Variants in TRIM29 observed in about 807,000 individuals in gnomAD.
TRIM29 encodes the protein tripartite motif-containing protein 29.
TRIM29 carries 52 observed loss-of-function variants against 57.3 expected under a neutral mutation model. The observed-to-expected ratio is 0.91, with a 90% CI of 0.73 to 1.14. The LOEUF is 1.14. TRIM29 is among the 50% of genes most tolerant of loss of function. The pLI is 0.00. For synonymous variants in TRIM29, 319 were observed against 316.9 expected (o/e 1.01, Z -0.07); for missense variants, 753 against 774.6 (o/e 0.97, Z 0.33).
chr11:120,113,930 C>T (rs1901707), intron 8 of TRIM29, among the ~76,000 whole-genome samples: 32,376 of 152,158 alleles, frequency 0.21, 4,336 homozygotes, highest in Non-Finnish European at 0.31. Flanking sequence ...TTCACCCTCC[C>T]ATCCCCTCCC....
chr11:120,133,442 G>A (rs1001309608), intron 1 of TRIM29, among the ~76,000 whole-genome samples: 1 of 152,214 alleles, frequency 6.6e-6, no homozygotes, highest in African/African-American at 2.4e-5. Flanking sequence ...ACACTGGGTT[G>A]CCTCCTGCCT....
rs961874631 is a variant in TRIM29, at chr11:120,111,441, C to T, written c.*973G>A. The stretch of plus-strand genomic sequence containing the variant: ...TGTGCTGCTCCTGGTTTTGTCTCCT[C>T]TCCAATCCTTGAGCACCCTGATATG... On this transcript the variant is annotated 3_prime_UTR_variant, in exon 9 of 9. Transcript: ENST00000341846. 2.0e-5 allele frequency: 3 copies of T among 152,294 alleles called. No homozygotes were observed. Among genetic ancestry groups the T allele is most frequent in the African/African-American group, 7.2e-5 (3 of 41,446 alleles). The allele number at this position is 152,294 out of a possible 1,614,324, so 9.4% of individuals were successfully genotyped here.
intron 6 of TRIM29, among the ~76,000 whole-genome samples, chr11:120,119,314 G>A (rs1302511616): frequency 6.6e-6 from 1 of 152,180 alleles, no homozygotes; most frequent in Non-Finnish European, 1.5e-5. Context: ...GACCTCCTTA[G>A]TCAAGCTCAC....
chr11:120,112,509 AGAC>A, intron 8 of TRIM29, 33 bp from the exon 9 acceptor site: 1 of 1,612,752 alleles, frequency 6.2e-7, no homozygotes, highest in Non-Finnish European at 8.5e-7. Flanking sequence ...CAGCGAGGCC[AGAC>A]GACAGATGAG....
Position 120,121,691 on chromosome 11 carries a change from G to A in TRIM29, c.1436-1026C>T, listed in dbSNP as rs545797081. The A allele has an allele frequency of 1.8e-4, 39 of 220,318 alleles. No individual in the cohort carries two copies. The South Asian group carries it at 1.8e-3, about 10-fold the overall frequency. 13.6% of individuals were successfully genotyped at this position (220,318 alleles called of 1,614,324 possible). ...AGATGCCCCAGGCCCTAGGCCCTCG[G>A]GGTGGCATCATAGTGGGTGCTGCTG... On this transcript the variant is annotated intron_variant, in intron 5 of 8. Coordinates refer to ENST00000341846, the MANE Select transcript of TRIM29 (RefSeq NM_012101.4).
chr11:120,123,446 G>A (rs1863511340), intron 4 of TRIM29: 1 of 461,754 alleles, frequency 2.2e-6, no homozygotes, highest in Admixed American at 2.3e-5. Flanking sequence ...GAAGCAGCTT[G>A]CCCAATGTCA....
chr11:120,137,105 G>C lies in TRIM29; in HGVS notation c.804+123C>G. On this transcript the variant is annotated intron_variant, in intron 1 of 8. Transcript: ENST00000341846. This position sits in a 1 kb window ranked among gnomAD's most constrained non-coding sequence, Gnocchi z 6.2. ...GAGGGGAAATAAATGTTTTCTAAAAGAGCCAAGGACAGTAGAAACTTAAGC... is the reference window on the plus strand; with the variant it reads ...GAGGGGAAATAAATGTTTTCTAAAACAGCCAAGGACAGTAGAAACTTAAGC... The C allele has an allele frequency of 1.9e-6, 2 of 1,061,560 alleles. No homozygotes were observed. The highest frequency in any genetic ancestry group is 1.3e-6 in the Non-Finnish European group (1 of 745,566). 65.8% of individuals were successfully genotyped at this position (1,061,560 alleles called of 1,614,324 possible). A position where few individuals can be genotyped will look rare whatever the true frequency, so the allele number is the denominator to read the frequency against.
At position 120,137,994 on chromosome 11, in the gene TRIM29, C is replaced by A. The variant is rs758097256; in HGVS notation, c.38G>T (p.Ser13Ile). 2 of 1,602,558 alleles carry A rather than the reference C, an allele frequency of 1.2e-6. No individual in the cohort carries two copies. Among genetic ancestry groups the A allele is most frequent in the African/African-American group, 2.7e-5 (2 of 74,932 alleles). ...AADASRSNGSSPEARDARSPS... is the reference protein window; with the variant it reads ...AADASRSNGSIPEARDARSPS... ...GCTCCGGGCATCCCTGGCTTCTGGG[C>A]TCGACCCGTTGCTCCTGGAGGCATC... The change falls in exon 1 of 9, where the codon AGC becomes ATC. Residue 13 changes from serine to isoleucine, a missense_variant. Ser to Ile is a moderately radical substitution (Grantham distance 142, BLOSUM62 -2). Transcript: ENST00000341846. This position sits in a 1 kb window ranked among gnomAD's most constrained non-coding sequence, Gnocchi z 6.2.
At chr11:120,116,282 C>A (rs1272519632) in intron 7 of TRIM29, 2 of 152,308 alleles carry the variant, frequency 1.3e-5, no homozygotes, top group Admixed American at 1.3e-4. Flanking sequence ...CTGAAAGGAG[C>A]TCTGGTTCAC....
At position 120,118,274 on chromosome 11, in the gene TRIM29, A is replaced by G. The variant is rs753677905; in HGVS notation, c.1576T>C (p.Ser526Pro). Residue 526 changes from serine to proline, a missense_variant, in exon 7 of 9, where the codon TCT becomes CCT. Transcript: ENST00000341846. The part of the protein sequence containing the change: ...VWEYSSSIQN[S>P]DNDLPVVQGS... Reference sequence around the variant, plus strand: ...TGGACGACGGGCAGGTCATTGTCAGAGTTCTGAATGCTGGAGGAGTACTCC... The same window carrying G: ...TGGACGACGGGCAGGTCATTGTCAGGGTTCTGAATGCTGGAGGAGTACTCC... The G allele has an allele frequency of 1.2e-6, 2 of 1,614,028 alleles. No homozygotes were observed. Among genetic ancestry groups the G allele is most frequent in the South Asian group, 1.1e-5 (1 of 91,066 alleles).
At chr11:120,112,723 C>T (rs1169529067) in intron 8 of TRIM29, among the ~76,000 whole-genome samples, 1 of 152,128 alleles carries the variant, frequency 6.6e-6, no homozygotes, top group African/African-American at 2.4e-5. Context: ...GCTTGAACCT[C>T]AGCCCCCGCA....
In TRIM29 at chr11:120,128,469, C is replaced by T. The variant is rs1282864260; in HGVS notation, c.831G>A (p.Gln277=). The stretch of plus-strand genomic sequence containing the variant: ...CAATCTCAATGATCTTGAGCTGCAG[C>T]TGCTCCTTTTGCAATGACAGCTCCG... ...KETELSLQKE[Q]LQLKIIEIED... is the part of the protein sequence containing the mutation. Residue 277 remains glutamine, a synonymous_variant, in exon 2 of 9, where the codon CAG becomes CAA. Transcript: ENST00000341846. 6.2e-7 allele frequency: 1 copy of T among 1,612,042 alleles called. No individual in the cohort carries two copies. The highest frequency in any genetic ancestry group is 2.2e-5 in the East Asian group (1 of 44,866).
chr11:120,115,671 G>T, intron 7 of TRIM29: 2 of 506,466 alleles, frequency 3.9e-6, no homozygotes, highest in Non-Finnish European at 7.1e-6. Flanking sequence ...CAGGCAGCAG[G>T]GGAGTGTTGC....
At chr11:120,130,915 G>C (rs1190165987) in intron 1 of TRIM29, among the ~76,000 whole-genome samples, 2 of 152,194 alleles carry the variant, frequency 1.3e-5, no homozygotes, top group Non-Finnish European at 2.9e-5. Flanking sequence ...TTGGGATCCA[G>C]ATGAAGTGTG....
chr11:120,128,963 T>G (rs1863662055), intron 1 of TRIM29: 1 of 1,309,570 alleles, frequency 7.6e-7, no homozygotes, highest in East Asian at 3.5e-5. Flanking sequence ...AGGGCTGTGT[T>G]GCAAGCAGCA....
intron 1 of TRIM29, chr11:120,129,020 T>C (rs1324069869): frequency 1.1e-6 from 1 of 871,466 alleles, no homozygotes; most frequent in African/African-American, 1.7e-5. Context: ...GGCACAGCTA[T>C]AAAACCTGTT....
At chr11:120,113,652 C>A (rs1349814149) in intron 8 of TRIM29, 1 of 456,136 alleles carries the variant, frequency 2.2e-6, no homozygotes, top group Non-Finnish European at 4.4e-6. Context: ...CTTGCTTAAA[C>A]CACCTATTAA....
chr11:120,137,340 G>A lies in TRIM29; in HGVS notation c.692C>T (p.Thr231Met). 6.2e-7 allele frequency: 1 copy of A among 1,614,002 alleles called. No homozygotes were observed. The highest frequency in any genetic ancestry group is 8.5e-7 in the Non-Finnish European group (1 of 1,179,994). ...EARKCPVHGK[T>M]MELFCQTDQT... is the part of the protein sequence containing the mutation. ...GTCGGTCTGGCAGAAGAGCTCCATC[G>A]TCTTGCCATGCACGGGACACTTGCG... Residue 231 changes from threonine (T) to methionine (M), a missense_variant, in exon 1 of 9, where the codon ACG becomes ATG. Coordinates refer to ENST00000341846, the MANE Select transcript of TRIM29 (RefSeq NM_012101.4). The surrounding 1 kb of genome is among the most constrained non-coding windows in gnomAD (Gnocchi z 6.2).
chr11:120,127,648 A>C, intron 2 of TRIM29, 79 bp from the exon 3 acceptor site: 1 of 1,328,212 alleles, frequency 7.5e-7, no homozygotes, highest in Non-Finnish European at 1.0e-6. Flanking sequence ...GTATGTCTTT[A>C]GGTTTCCAGC....
Sources: gnomAD v4.1 joint callset for allele counts (sites outside exome capture counted in the v4.1 genomes callset) on GRCh38, gnomAD v4.1.1 for gene constraint, Gnocchi (gnomAD v3.1) non-coding constraint, MANE v1.5 for transcripts, NCBI Gene and HGNC (gene_info 2026-07-23, HGNC 2026-07-21) for gene names.